TCF7L1: variants seen among roughly 807,000 people sequenced by gnomAD.
The protein encoded by TCF7L1 is transcription factor 7-like 1.
A neutral mutation model predicts 63.7 loss-of-function variants in TCF7L1; 18 were observed. The ratio of observed to expected loss-of-function variants is 0.28; its 90% CI spans 0.20 to 0.42. TCF7L1 has a LOEUF of 0.42. Ranked by LOEUF, TCF7L1 falls within the 10% of genes least tolerant of loss-of-function variation. TCF7L1 has a pLI of 1.00. For synonymous variants in TCF7L1, 355 were observed against 340.9 expected (o/e 1.04, Z -0.46); for missense variants, 654 against 779.3 (o/e 0.84, Z 1.91).
At chr2:85,153,359 T>TTTTTTTTTTTTTTTTGTTTG (rs61139510) in intron 3 of TCF7L1, among the ~76,000 whole-genome samples, 1 of 147,340 alleles carries the variant, frequency 6.8e-6, no homozygotes, top group Admixed American at 6.8e-5. Context: ...TTTTTTTTTT[T>TTTTTTTTTTTTTTTTGTTTG]GAGATGGAGT....
At chr2:85,149,301 GTATATATGTA>G (rs1677950861) in intron 3 of TCF7L1, among the ~76,000 whole-genome samples, 1 of 136,908 alleles carries the variant, frequency 7.3e-6, no homozygotes, top group Non-Finnish European at 1.6e-5. Flanking sequence ...GTGTATATGT[GTATATATGTA>G]TATACACATA....
intron 3 of TCF7L1, among the ~76,000 whole-genome samples, chr2:85,218,298 C>G (rs1679756825): frequency 6.6e-6 from 1 of 151,750 alleles, no homozygotes; most frequent in South Asian, 2.1e-4. Context: ...CTCTGTCACC[C>G]AGGCCTGGAG....
chr2:85,238,965 G>A (rs536678734), intron 3 of TCF7L1, among the ~76,000 whole-genome samples: 17 of 151,902 alleles, frequency 1.1e-4, no homozygotes, highest in Non-Finnish European at 1.2e-4. Flanking sequence ...GACTACAGGC[G>A]TGATCCACCA....
At chr2:85,276,845 C>G (rs1681282813) in intron 3 of TCF7L1, among the ~76,000 whole-genome samples, 2 of 152,262 alleles carry the variant, frequency 1.3e-5, no homozygotes, top group South Asian at 2.1e-4. Context: ...GGAGGAGTAG[C>G]CTGGTGAGTG....
chr2:85,242,601 G>A (rs1680360829), intron 3 of TCF7L1, among the ~76,000 whole-genome samples: 1 of 152,136 alleles, frequency 6.6e-6, no homozygotes, highest in Non-Finnish European at 1.5e-5. Flanking sequence ...CCTTGAATGG[G>A]GCTTGGCATT....
chr2:85,245,223 TGAG>T (rs774546768), intron 3 of TCF7L1, among the ~76,000 whole-genome samples: 1 of 152,158 alleles, frequency 6.6e-6, no homozygotes, highest in Non-Finnish European at 1.5e-5. Flanking sequence ...CTGCCTTATC[TGAG>T]AAGATTGGTG....
At chr2:85,144,484 C>T (rs1464809217) in intron 3 of TCF7L1, among the ~76,000 whole-genome samples, 1 of 150,860 alleles carries the variant, frequency 6.6e-6, no homozygotes, top group African/African-American at 2.4e-5. Flanking sequence ...TGCCTGTAAT[C>T]GCAGCTACTC....
At chr2:85,219,346 A>G (rs1243269471) in intron 3 of TCF7L1, among the ~76,000 whole-genome samples, 1 of 152,244 alleles carries the variant, frequency 6.6e-6, no homozygotes, top group African/African-American at 2.4e-5. Flanking sequence ...GGCAATATCT[A>G]GTAAAATCAA....
intron 3 of TCF7L1, among the ~76,000 whole-genome samples, chr2:85,260,930 A>G (rs961201246): frequency 3.3e-5 from 5 of 152,246 alleles, no homozygotes; most frequent in South Asian, 2.1e-4. Context: ...TTTTATTACA[A>G]TGACTGAGAA....
chr2:85,224,940 T>C (rs1313902651), intron 3 of TCF7L1, among the ~76,000 whole-genome samples: 1 of 152,242 alleles, frequency 6.6e-6, no homozygotes, highest in Non-Finnish European at 1.5e-5. Context: ...TTAATCCATC[T>C]TGAGTTAATT....
chr2:85,289,663 C>T (rs554621771), intron 4 of TCF7L1, among the ~76,000 whole-genome samples: 22 of 152,246 alleles, frequency 1.4e-4, no homozygotes, highest in African/African-American at 5.3e-4. Context: ...AATAGATAGA[C>T]ATAGATGGTT....
At chr2:85,253,675 G>C (rs1446251961) in intron 3 of TCF7L1, among the ~76,000 whole-genome samples, 1 of 152,156 alleles carries the variant, frequency 6.6e-6, no homozygotes, top group African/African-American at 2.4e-5. Flanking sequence ...CAAAGAAAGA[G>C]GGGCCATCTC....
At chr2:85,209,557 G>T (rs936583075) in intron 3 of TCF7L1, among the ~76,000 whole-genome samples, 2 of 152,192 alleles carry the variant, frequency 1.3e-5, no homozygotes, top group African/African-American at 4.8e-5. Context: ...CACAGAGGAT[G>T]CTCAGGAACT....
At chr2:85,143,682 GATT>G (rs1371984831) in intron 3 of TCF7L1, among the ~76,000 whole-genome samples, 1 of 152,182 alleles carries the variant, frequency 6.6e-6, no homozygotes, top group East Asian at 1.9e-4. Context: ...CTACCCATGT[GATT>G]TTACACACAT....
At position 85,134,550 on chromosome 2, in the gene TCF7L1, C is replaced by A; in HGVS notation, c.441+100C>A. On this transcript the variant is annotated intron_variant, in intron 3 of 11. Transcript: ENST00000282111. The surrounding 1 kb of genome is among the most constrained non-coding windows in gnomAD (Gnocchi z 5.0). ...GAGTGGGGGATGGGGCCTTCTGCGC[C>A]GATCCCAAGCAGAACTTGTTTGCGG... The A allele has an allele frequency of 6.9e-7, 1 of 1,454,914 alleles. No homozygotes were observed. The highest frequency in any genetic ancestry group is 9.1e-7 in the Non-Finnish European group (1 of 1,097,014). 90.1% of individuals were successfully genotyped at this position (1,454,914 alleles called of 1,614,324 possible). A position where few individuals can be genotyped will look rare whatever the true frequency, so the allele number is the denominator to read the frequency against.
At chr2:85,255,769 T>C (rs1558647708) in intron 3 of TCF7L1, among the ~76,000 whole-genome samples, 1 of 152,160 alleles carries the variant, frequency 6.6e-6, no homozygotes, top group East Asian at 1.9e-4. Context: ...GAGTATCCTC[T>C]CTGGTCCCAC....
chr2:85,219,883 A>G (rs774582205), intron 3 of TCF7L1, among the ~76,000 whole-genome samples: 37 of 152,214 alleles, frequency 2.4e-4, no homozygotes, highest in Admixed American at 1.2e-3. Flanking sequence ...AAGGTGTTAC[A>G]ATGTTGACAA....
At chr2:85,139,219 G>C (rs1433749808) in intron 3 of TCF7L1, among the ~76,000 whole-genome samples, 2 of 152,270 alleles carry the variant, frequency 1.3e-5, no homozygotes, top group East Asian at 3.9e-4. Context: ...ATGTTGGCCA[G>C]GCTGGTCTCG....
intron 3 of TCF7L1, among the ~76,000 whole-genome samples, chr2:85,148,758 C>T (rs1677936734): frequency 2.7e-5 from 4 of 148,582 alleles, no homozygotes; most frequent in South Asian, 2.1e-4. Context: ...TGGATCTTTT[C>T]TTACAGTATT....
Sources: allele counts gnomAD v4.1 joint callset (sites outside exome capture counted in the v4.1 genomes callset), GRCh38; gene constraint gnomAD v4.1.1; non-coding constraint Gnocchi (gnomAD v3.1); transcripts MANE v1.5; gene names NCBI Gene and HGNC (gene_info 2026-07-23, HGNC 2026-07-21).